The following MAGT1 variants were observed in gnomAD, a reference collection of about 807,000 sequenced individuals.
The protein encoded by MAGT1 is magnesium transporter 1, also known as dolichyl-diphosphooligosaccharide--protein glycosyltransferase subunit MAGT1.
Under a neutral mutation model 28.4 loss-of-function variants are expected in MAGT1, and 4 were observed. The ratio of observed to expected loss-of-function variants is 0.14; its 90% CI spans 0.07 to 0.32. MAGT1 has a LOEUF of 0.32. Ranked by LOEUF, MAGT1 falls within the 10% of genes least tolerant of loss-of-function variation. The pLI is 1.00. For missense variants in MAGT1, 193 were observed against 264.5 expected (o/e 0.73, Z 1.88); for synonymous variants, 89 against 89.7 (o/e 0.99, Z 0.04).
intron 8 of MAGT1, among the ~76,000 whole-genome samples, chrX:77,838,625 A>G (rs1268490343): frequency 9.2e-6 from 1 of 109,176 alleles, no homozygotes; most frequent in Non-Finnish European, 1.9e-5. Context: ...GGGCGTGGTG[A>G]CGTGCACCTG....
At chrX:77,861,771 A>G (rs1557216493) in intron 3 of MAGT1, among the ~76,000 whole-genome samples, 1 of 112,208 alleles carries the variant, frequency 8.9e-6, no homozygotes, top group African/African-American at 3.2e-5. Flanking sequence ...AACATTGAGG[A>G]CATGATGCTA....
chrX:77,841,095 G>A (rs1557214357), intron 8 of MAGT1, 151 bp downstream of exon 8: 1 of 394,177 alleles, frequency 2.5e-6, no homozygotes, highest in Non-Finnish European at 4.4e-6. Flanking sequence ...AATAGTAAAG[G>A]AGTTTAATAA....
intron 1 of MAGT1, among the ~76,000 whole-genome samples, chrX:77,881,257 GT>G (rs782312434): frequency 2.1e-4 from 23 of 110,496 alleles, no homozygotes; most frequent in African/African-American, 4.3e-4. Context: ...GCCATATTTT[GT>G]TTTTTTTATA....
intron 8 of MAGT1, among the ~76,000 whole-genome samples, chrX:77,837,638 G>C (rs2076923167): frequency 9.0e-6 from 1 of 111,519 alleles, no homozygotes; most frequent in Admixed American, 9.6e-5. Context: ...AGCAAAACAA[G>C]TATTTCTCAA....
intron 7 of MAGT1, among the ~76,000 whole-genome samples, chrX:77,851,381 G>GT (rs1322775716): frequency 5.1e-4 from 49 of 96,207 alleles, no homozygotes; most frequent in African/African-American, 6.1e-4. Context: ...ATGCCTGGCT[G>GT]TTTTTTTTTT....
intron 1 of MAGT1, among the ~76,000 whole-genome samples, chrX:77,883,548 A>ATTTTCT (rs1557218715): frequency 1.2e-5 from 1 of 81,691 alleles, no homozygotes; most frequent in African/African-American, 4.7e-5. Flanking sequence ...TCCTGAATTC[A>ATTTTCT]TTTTCTTTTT....
At chrX:77,843,233 TTTTAA>T (rs1448445655) in intron 7 of MAGT1, among the ~76,000 whole-genome samples, 6 of 111,623 alleles carry the variant, frequency 5.4e-5, no homozygotes, top group East Asian at 2.8e-4. Flanking sequence ...TTTTTAAATT[TTTTAA>T]TTTAATTTAT....
intron 7 of MAGT1, among the ~76,000 whole-genome samples, chrX:77,842,728 G>A (rs1402784908): frequency 9.0e-6 from 1 of 110,686 alleles, no homozygotes; most frequent in Non-Finnish European, 1.9e-5. Context: ...TTGGGAGGCT[G>A]AGGCAGGATA....
At chrX:77,875,286 A>T in intron 2 of MAGT1, 142 bp downstream of exon 2, 1 of 541,513 alleles carries the variant, frequency 1.8e-6, no homozygotes, top group Admixed American at 2.7e-5. Flanking sequence ...ATAAAAGAGC[A>T]GTAGTATTGC....
intron 7 of MAGT1, among the ~76,000 whole-genome samples, chrX:77,847,373 G>A (rs1243353503): frequency 8.9e-6 from 1 of 112,274 alleles, no homozygotes; most frequent in Non-Finnish European, 1.9e-5. Flanking sequence ...CTGACCCCTT[G>A]CGCTTCCCGG....
Position 77,876,946 on chromosome X carries a change from G to A in MAGT1, c.103-1349C>T, listed in dbSNP as rs986153213. On this transcript the variant is annotated intron_variant, in intron 1 of 9. Coordinates refer to ENST00000618282, the MANE Select transcript of MAGT1 (RefSeq NM_001367916.1). Reference sequence around the variant, plus strand: ...GAGAATCGCTTGAACCTGGGAGGCAGAAGTTGCAGTGAGCCGAGATCGTGC... The same window carrying A: ...GAGAATCGCTTGAACCTGGGAGGCAAAAGTTGCAGTGAGCCGAGATCGTGC... Among the ~76,000 whole-genome samples the A allele has an allele frequency of 1.1e-4, 10 of 94,428 alleles. 1 individual carries two copies. The highest frequency in any genetic ancestry group is 9.4e-4 in the Admixed American group (7 of 7,479). 82.0% of individuals were successfully genotyped at this position (94,428 alleles called of 115,157 possible). A position where few individuals can be genotyped will look rare whatever the true frequency, so the allele number is the denominator to read the frequency against.
At position 77,829,011 on chromosome X, in the gene MAGT1, G is replaced by A. The variant is rs781849569; in HGVS notation, c.*209C>T. On this transcript the variant is annotated 3_prime_UTR_variant, in exon 10 of 10. Transcript: ENST00000618282. The stretch of plus-strand genomic sequence containing the variant: ...GTTCACTGGGAAGAGAAGGTTAAGA[G>A]GATAATTATTTTCAAATACCTCAGA... 2.6e-6 allele frequency: 1 copy of A among 388,094 alleles called. No individual in the cohort carries two copies. The highest frequency in any genetic ancestry group is 4.8e-5 in the South Asian group (1 of 21,019). The allele number at this position is 388,094 out of a possible 1,213,427, so 32.0% of individuals were successfully genotyped here. A position where few individuals can be genotyped will look rare whatever the true frequency, so the allele number is the denominator to read the frequency against.
upstream of MAGT1, chrX:77,895,449 G>T (rs370329684): frequency 1.3e-5 from 16 of 1,200,555 alleles, no homozygotes; most frequent in Non-Finnish European, 1.6e-5. Context: ...ACTTTGCTCC[G>T]GCTAGGTCTG....
At chrX:77,865,415 G>A (rs1219267795) in intron 3 of MAGT1, among the ~76,000 whole-genome samples, 2 of 109,740 alleles carry the variant, frequency 1.8e-5, no homozygotes, top group Admixed American at 2.0e-4. Flanking sequence ...TCAGCCTCCC[G>A]AGTAGCTGGG....
chrX:77,832,324 T>C lies in MAGT1; in HGVS notation c.902-1429A>G, dbSNP rs782411413. ...TCTAGGGCAGGGGTGTCCAATCTTT[T>C]GGCTTCCCAGGGCCGTACTGGAAGA... is the stretch of plus-strand genomic sequence containing the variant. On this transcript the variant is annotated intron_variant, in intron 8 of 9. Coordinates refer to ENST00000618282, the MANE Select transcript of MAGT1 (RefSeq NM_001367916.1). Among the ~76,000 whole-genome samples, 9 of 110,775 alleles carry C rather than the reference T, an allele frequency of 8.1e-5. No individual in the cohort carries two copies. In the South Asian group the frequency reaches 3.4e-3, roughly 42 times the overall value.
At chrX:77,884,787 T>C (rs1211040061) in intron 1 of MAGT1, among the ~76,000 whole-genome samples, 3 of 106,298 alleles carry the variant, frequency 2.8e-5, no homozygotes, top group Non-Finnish European at 5.8e-5. Flanking sequence ...AATATTGTTC[T>C]TAAAAAAAAA....
chrX:77,886,664 A>C (rs1374786807), intron 1 of MAGT1, among the ~76,000 whole-genome samples: 5 of 110,820 alleles, frequency 4.5e-5, no homozygotes, highest in Non-Finnish European at 5.7e-5. Context: ...TAAAAAAAAA[A>C]CAAAAATCAA....
intron 7 of MAGT1, among the ~76,000 whole-genome samples, chrX:77,847,289 G>C (rs1557215079): frequency 2.7e-5 from 3 of 112,630 alleles, no homozygotes; most frequent in Non-Finnish European, 3.8e-5. Context: ...GAAAAGCACA[G>C]TATTAGGGTG....
chrX:77,851,266 A>C (rs1425556458), intron 7 of MAGT1, among the ~76,000 whole-genome samples: 2 of 109,591 alleles, frequency 1.8e-5, no homozygotes, highest in African/African-American at 6.7e-5. Context: ...TCCAGGCTGG[A>C]GTGCAGTGGC....
Sources: allele counts gnomAD v4.1 joint callset (sites outside exome capture counted in the v4.1 genomes callset), GRCh38; gene constraint gnomAD v4.1.1; transcripts MANE v1.5; gene names NCBI Gene and HGNC (gene_info 2026-07-23, HGNC 2026-07-21).